SSBP3: variants seen among roughly 807,000 people sequenced by gnomAD.
SSBP3 encodes single-stranded DNA-binding protein 3.
A neutral mutation model predicts 69.6 loss-of-function variants in SSBP3; 5 were observed. The observed-to-expected ratio is 0.07, with a 90% confidence interval of 0.04 to 0.15. The LOEUF (loss-of-function observed/expected upper bound fraction) is 0.15. SSBP3 is among the 10% of genes least tolerant of loss of function. The pLI is 1.00. For missense variants in SSBP3, 312 were observed against 534.0 expected (o/e 0.58, Z 4.10); for synonymous variants, 196 against 193.4 (o/e 1.01, Z -0.11).
intron 4 of SSBP3, among the ~76,000 whole-genome samples, chr1:54,382,181 G>A (rs962294520): frequency 6.6e-5 from 10 of 152,156 alleles, no homozygotes; most frequent in Non-Finnish European, 8.8e-5. Context: ...GCAATAGAGC[G>A]AGACTCTGTC....
chr1:54,321,457 C>T (rs1481705348), intron 4 of SSBP3, among the ~76,000 whole-genome samples: 1 of 152,218 alleles, frequency 6.6e-6, no homozygotes, highest in Non-Finnish European at 1.5e-5. Context: ...CACCCTGCTA[C>T]CATCCCGAAA....
chr1:54,233,546 A>T (rs1238056937), intron 14 of SSBP3, among the ~76,000 whole-genome samples: 1 of 126,448 alleles, frequency 7.9e-6, no homozygotes, highest in Non-Finnish European at 1.7e-5. Flanking sequence ...TGGGGGGGGT[A>T]AGCCCCCCGC....
chr1:54,383,882 G>A (rs1228836439), intron 4 of SSBP3, among the ~76,000 whole-genome samples: 1 of 152,036 alleles, frequency 6.6e-6, no homozygotes, highest in Admixed American at 6.6e-5. Flanking sequence ...CGAGGCGGGC[G>A]GATCACGAGG....
At chr1:54,256,832 C>A (rs560561682) in intron 7 of SSBP3, among the ~76,000 whole-genome samples, 5 of 152,312 alleles carry the variant, frequency 3.3e-5, no homozygotes, top group African/African-American at 1.2e-4. Flanking sequence ...ACCATCTTCT[C>A]TAGAATAGCC....
At position 54,251,873 on chromosome 1, in the gene SSBP3, C is replaced by G; in HGVS notation, c.508-13G>C. ...CTCCTCCCGGAGGCTGAAAGAGATG[C>G]AAGACACAAGCTGAGGAGCTGCTCC... On this transcript the variant is annotated splice_polypyrimidine_tract_variant and intron_variant, in intron 7 of 17. Transcript: ENST00000610401. 3 of 1,610,082 alleles carry G rather than the reference C, an allele frequency of 1.9e-6. No individual in the cohort carries two copies. The highest frequency in any genetic ancestry group is 2.5e-6 in the Non-Finnish European group (3 of 1,178,810).
chr1:54,411,107 G>A (rs886568892), upstream of SSBP3, among the ~76,000 whole-genome samples: 2 of 152,202 alleles, frequency 1.3e-5, no homozygotes, highest in Admixed American at 1.3e-4. Flanking sequence ...GTATAGAATC[G>A]GTTAGTTCAA....
At chr1:54,266,811 C>A (rs1003248457) in intron 5 of SSBP3, among the ~76,000 whole-genome samples, 33 of 152,176 alleles carry the variant, frequency 2.2e-4, no homozygotes, top group Admixed American at 9.2e-4. Context: ...GGCTGTCACA[C>A]CAACACCCTC....
chr1:54,410,343 T>TA (rs1649957644), upstream of SSBP3, among the ~76,000 whole-genome samples: 1 of 152,122 alleles, frequency 6.6e-6, no homozygotes, highest in African/African-American at 2.4e-5. Context: ...AGGAGGTGGT[T>TA]AAAGGAAAAG....
At chr1:54,298,930 A>AACACACACACAC (rs10525954) in intron 4 of SSBP3, among the ~76,000 whole-genome samples, 2,383 of 137,232 alleles carry the variant, frequency 0.017, 75 homozygotes, top group African/African-American at 0.052. Flanking sequence ...ACAAAAACAA[A>AACACACACACAC]ACACACACAC....
At chr1:54,292,514 C>T (rs1203497792) in intron 4 of SSBP3, among the ~76,000 whole-genome samples, 1 of 152,152 alleles carries the variant, frequency 6.6e-6, no homozygotes, top group Non-Finnish European at 1.5e-5. Flanking sequence ...TGTCAGTTCC[C>T]CCAAGAACAC....
At chr1:54,383,003 AAGAG>A (rs961815124) in intron 4 of SSBP3, among the ~76,000 whole-genome samples, 11 of 138,120 alleles carry the variant, frequency 8.0e-5, no homozygotes, top group African/African-American at 2.8e-4. Context: ...AAAAAAAAAG[AAGAG>A]AGAGAGAGAA....
At chr1:54,253,339 G>A (rs549201935) in intron 7 of SSBP3, among the ~76,000 whole-genome samples, 5 of 151,682 alleles carry the variant, frequency 3.3e-5, no homozygotes, top group African/African-American at 1.2e-4. Flanking sequence ...CTACAGGCAC[G>A]CGCTGTCACA....
chr1:54,395,067 A>T (rs1430014129), intron 4 of SSBP3, among the ~76,000 whole-genome samples: 1 of 151,962 alleles, frequency 6.6e-6, no homozygotes, highest in African/African-American at 2.4e-5. Flanking sequence ...ACATACAATA[A>T]AAGGGGATTC....
At chr1:54,227,885 C>T in intron 17 of SSBP3, among the ~76,000 whole-genome samples, 1 of 152,212 alleles carries the variant, frequency 6.6e-6, no homozygotes, top group Non-Finnish European at 1.5e-5. Context: ...AGCAGACAGC[C>T]AACCCGTGTT....
chr1:54,275,937 C>A (rs1428316862), intron 5 of SSBP3, among the ~76,000 whole-genome samples: 2 of 152,170 alleles, frequency 1.3e-5, no homozygotes, highest in African/African-American at 4.8e-5. Context: ...GCAAGTTTCT[C>A]TCCCCTCTTA....
chr1:54,303,549 AG>A (rs1457928667), intron 4 of SSBP3, among the ~76,000 whole-genome samples: 1 of 152,196 alleles, frequency 6.6e-6, no homozygotes, highest in East Asian at 1.9e-4. Flanking sequence ...ATAAGCTCGG[AG>A]GGGGAAGTCA....
At chr1:54,227,182 G>GGT (rs769663955) in intron 17 of SSBP3, 22 bp from the exon 18 acceptor site, 5 of 626,174 alleles carry the variant, frequency 8.0e-6, no homozygotes, top group African/African-American at 4.1e-5. Flanking sequence ...AAGCAGAGAA[G>GGT]GGGGGGGGGT....
chr1:54,406,078 C>T (rs1400592953), exon 1 of SSBP3: 4 of 1,308,036 alleles, frequency 3.1e-6, no homozygotes, highest in African/African-American at 3.1e-5. Flanking sequence ...CCGGCTCTCC[C>T]GAGCTGCCCC....
At chr1:54,405,072 C>A in intron 1 of SSBP3, 142 bp from the exon 2 acceptor site, 1 of 739,278 alleles carries the variant, frequency 1.4e-6, no homozygotes. Flanking sequence ...GCTAGCTCAC[C>A]CCAAACAGGG....
Sources: gnomAD v4.1 joint callset for allele counts (sites outside exome capture counted in the v4.1 genomes callset) on GRCh38, gnomAD v4.1.1 for gene constraint, MANE v1.5 for transcripts, NCBI Gene and HGNC (gene_info 2026-07-23, HGNC 2026-07-21) for gene names.